Variants in CHN2 observed in about 807,000 individuals in gnomAD.
CHN2 encodes the protein beta-chimaerin.
CHN2 carries 35 observed loss-of-function variants against 56.3 expected under a neutral mutation model. The ratio of observed to expected loss-of-function variants is 0.62; its 90% CI spans 0.47 to 0.82. The LOEUF (loss-of-function observed/expected upper bound fraction) is 0.82. CHN2 is among the 40% of genes least tolerant of loss of function. The pLI, the probability that CHN2 is intolerant of heterozygous loss-of-function variation, is 0.00. For synonymous variants in CHN2, 210 were observed against 212.8 expected (o/e 0.99, Z 0.12); for missense variants, 491 against 580.5 (o/e 0.85, Z 1.58).
intron 6 of CHN2, among the ~76,000 whole-genome samples, chr7:29,457,201 C>T (rs1784830892): frequency 6.6e-6 from 1 of 152,196 alleles, no homozygotes; most frequent in South Asian, 2.1e-4. Context: ...TGACCTCAGG[C>T]TTCCTTCAGG....
chr7:29,402,238 C>G (rs1329566667), intron 6 of CHN2, among the ~76,000 whole-genome samples: 1 of 152,188 alleles, frequency 6.6e-6, no homozygotes, highest in Non-Finnish European at 1.5e-5. Context: ...AACTGATTTG[C>G]TGATTGAGCT....
intron 3 of CHN2, among the ~76,000 whole-genome samples, chr7:29,382,184 C>G (rs926034571): frequency 7.2e-5 from 11 of 152,212 alleles, no homozygotes; most frequent in Non-Finnish European, 1.2e-4. Flanking sequence ...TTATTAGGCT[C>G]TGCCATGCAT....
chr7:29,225,210 A>G (rs951502906), intron 1 of CHN2, among the ~76,000 whole-genome samples: 1 of 152,236 alleles, frequency 6.6e-6, no homozygotes, highest in African/African-American at 2.4e-5. Context: ...TACTTCACGA[A>G]TAATTTAAAT....
intron 1 of CHN2, among the ~76,000 whole-genome samples, chr7:29,278,883 C>T (rs893059372): frequency 3.9e-5 from 6 of 152,084 alleles, no homozygotes; most frequent in South Asian, 4.1e-4. Context: ...GCTAGACTCG[C>T]GAGGCTGCCA....
In CHN2 at chr7:29,496,040, GAC is replaced by G. The variant is rs745925009; in HGVS notation, c.739+8_739+9del. On this transcript the variant is annotated splice_donor_5th_base_variant and intron_variant, in intron 8 of 12. Transcript: ENST00000222792. ...GCCCAAGGGGTCCGGTGCTCAGGTA[GAC>G]ACAGAACTTTCTTCTTTTCCAATTA... 3 of 1,604,672 alleles carry G rather than the reference GAC, an allele frequency of 1.9e-6. No individual in the cohort carries two copies. Among genetic ancestry groups the G allele is most frequent in the East Asian group, 4.5e-5 (2 of 44,754 alleles).
chr7:29,285,058 G>A (rs39113), intron 1 of CHN2, among the ~76,000 whole-genome samples: 57,680 of 151,992 alleles, frequency 0.38, 11,077 homozygotes, highest in East Asian at 0.51. Context: ...TACTTGCTGT[G>A]GGGTGTGTGA....
chr7:29,347,573 C>T (rs1022082437), intron 1 of CHN2, among the ~76,000 whole-genome samples: 12 of 152,136 alleles, frequency 7.9e-5, no homozygotes, highest in Admixed American at 2.6e-4. Flanking sequence ...TGAAAACTCA[C>T]CCACTATCAT....
At chr7:29,322,021 C>T (rs571661527) in intron 1 of CHN2, among the ~76,000 whole-genome samples, 2 of 152,204 alleles carry the variant, frequency 1.3e-5, no homozygotes, top group East Asian at 3.9e-4. Flanking sequence ...TGCTCTTAGC[C>T]CTTGGATATT....
At chr7:29,343,297 C>T (rs3793282) in intron 1 of CHN2, among the ~76,000 whole-genome samples, 38,065 of 152,022 alleles carry the variant, frequency 0.25, 5,076 homozygotes, top group Non-Finnish European at 0.3. Flanking sequence ...GAGAGTGCCT[C>T]GGGAGAGAGG....
intron 1 of CHN2, among the ~76,000 whole-genome samples, chr7:29,303,568 C>T (rs79894988): frequency 1.3e-5 from 2 of 152,186 alleles, no homozygotes; most frequent in African/African-American, 2.4e-5. Context: ...AGGGCCCTTC[C>T]GTAGGGACTC....
intron 1 of CHN2, among the ~76,000 whole-genome samples, chr7:29,341,973 A>G (rs1187952700): frequency 6.6e-6 from 1 of 152,216 alleles, no homozygotes; most frequent in Non-Finnish European, 1.5e-5. Flanking sequence ...ACATACCTTC[A>G]GGGACCTCTG....
At chr7:29,465,457 T>C (rs923330188) in intron 6 of CHN2, among the ~76,000 whole-genome samples, 1 of 152,206 alleles carries the variant, frequency 6.6e-6, no homozygotes, top group Admixed American at 6.5e-5. Context: ...ACTTACAACT[T>C]AAGTTGCACT....
intron 2 of CHN2, among the ~76,000 whole-genome samples, chr7:29,175,594 A>C (rs534700304): frequency 6.6e-6 from 1 of 152,264 alleles, no homozygotes; most frequent in South Asian, 2.1e-4. Flanking sequence ...CCCCAGCCGT[A>C]TGGAACTGAG....
intron 6 of CHN2, among the ~76,000 whole-genome samples, chr7:29,403,494 C>T (rs1042714521): frequency 7.2e-5 from 11 of 151,942 alleles, no homozygotes; most frequent in Non-Finnish European, 1.6e-4. Flanking sequence ...CAAATGAATC[C>T]AGAGAGACGA....
intron 1 of CHN2, among the ~76,000 whole-genome samples, chr7:29,280,007 A>C (rs1791553934): frequency 6.6e-6 from 1 of 152,144 alleles, no homozygotes; most frequent in Non-Finnish European, 1.5e-5. Flanking sequence ...AATGGATGAC[A>C]ACTGGAAGGT....
At chr7:29,201,176 A>G (rs1424408497) in intron 1 of CHN2, among the ~76,000 whole-genome samples, 1 of 152,218 alleles carries the variant, frequency 6.6e-6, no homozygotes, top group Admixed American at 6.5e-5. Flanking sequence ...TAAGAGCTGG[A>G]CTGACTAGAC....
chr7:29,167,888 G>A (rs1353865165), intron 2 of CHN2, among the ~76,000 whole-genome samples: 5 of 152,200 alleles, frequency 3.3e-5, no homozygotes, highest in Admixed American at 2.6e-4. Context: ...ATTACTTACT[G>A]ATGCAAAAAC....
At chr7:29,161,260 G>C (rs1795141146) in intron 2 of CHN2, among the ~76,000 whole-genome samples, 1 of 152,072 alleles carries the variant, frequency 6.6e-6, no homozygotes, top group African/African-American at 2.4e-5. Context: ...GGACAGCATG[G>C]TTACTCTTTT....
intron 1 of CHN2, among the ~76,000 whole-genome samples, chr7:29,268,635 T>G (rs374724616): frequency 8.5e-5 from 13 of 152,192 alleles, no homozygotes; most frequent in East Asian, 5.8e-4. Flanking sequence ...AATTGACAGC[T>G]GCCAGCTTGT....
Sources: gnomAD v4.1 joint callset for allele counts (sites outside exome capture counted in the v4.1 genomes callset) on GRCh38, gnomAD v4.1.1 for gene constraint, MANE v1.5 for transcripts, NCBI Gene and HGNC (gene_info 2026-07-23, HGNC 2026-07-21) for gene names.